Variants in BMI1 observed in about 807,000 individuals in gnomAD.
BMI1 encodes polycomb complex protein BMI-1.
Under a neutral mutation model 39.1 loss-of-function variants are expected in BMI1, and 9 were observed. That is an observed-to-expected ratio of 0.23 (90% CI 0.14 to 0.40). The LOEUF (loss-of-function observed/expected upper bound fraction) is 0.40, where lower values mean the gene tolerates loss of function less well. Ranked by LOEUF, BMI1 falls within the 10% of genes least tolerant of loss-of-function variation. The probability of loss-of-function intolerance (pLI) is 1.00; values close to 1 mark genes in which losing one functional copy is unlikely to be tolerated. For missense variants in BMI1, 252 were observed against 390.8 expected (o/e 0.64, Z 2.99); for synonymous variants, 131 against 127.9 (o/e 1.02, Z -0.16).
rs1365842351 is a variant in BMI1 at position 22,321,702 on chromosome 10, T to TA, written c.-20+7dup. 1 of 150,218 alleles carries TA rather than the reference T, an allele frequency of 6.7e-6. No individual in the cohort carries two copies. Among genetic ancestry groups the TA allele is most frequent in the African/African-American group, 2.4e-5 (1 of 40,904 alleles). 9.3% of individuals were successfully genotyped at this position (150,218 alleles called of 1,614,324 possible). On this transcript the variant is annotated splice_region_variant and intron_variant, in intron 1 of 9. Coordinates refer to ENST00000376663, the MANE Select transcript of BMI1 (RefSeq NM_005180.9). ...GCGCCGGCTGCTCTTTCCGGGTACG[T>TA]AGGAGGCGAGGCGCCCCCGGGACGG...
At chr10:22,323,742 G>C (rs1329313091) in intron 1 of BMI1, among the ~76,000 whole-genome samples, 1 of 152,212 alleles carries the variant, frequency 6.6e-6, no homozygotes, top group Non-Finnish European at 1.5e-5. Context: ...AGTTTTAACG[G>C]TTGAGTATTT....
chr10:22,327,006 C>T lies in BMI1; in HGVS notation c.209+20C>T. On this transcript the variant is annotated intron_variant, in intron 3 of 9. Transcript: ENST00000376663. ...TATAAGGTAGGAAACTGTTGAAATT[C>T]CTTGTTTGTAATTATTATTGGAGTT... 6.2e-7 allele frequency: 1 copy of T among 1,606,794 alleles called. No homozygotes were observed. Among genetic ancestry groups the T allele is most frequent in the Non-Finnish European group, 8.5e-7 (1 of 1,176,436 alleles).
At chr10:22,328,553 A>G (rs188352510) in intron 7 of BMI1, 47 bp from the exon 8 acceptor site, 2 of 1,553,824 alleles carry the variant, frequency 1.3e-6, no homozygotes, top group East Asian at 2.3e-5. Flanking sequence ...AACTTTCTTC[A>G]TATCTTAAAG....
intron 1 of BMI1, among the ~76,000 whole-genome samples, 174 bp downstream of exon 1, chr10:22,321,870 C>G (rs1359584430): frequency 7.0e-6 from 1 of 143,162 alleles, no homozygotes; most frequent in East Asian, 2.1e-4. Context: ...CGCCCCGCGC[C>G]TGCCGGCCCC....
At chr10:22,328,852 C>G (rs1350307752) in intron 8 of BMI1, among the ~76,000 whole-genome samples, 154 bp downstream of exon 8, 2 of 152,116 alleles carry the variant, frequency 1.3e-5, no homozygotes, top group Admixed American at 1.3e-4. Context: ...GGTATACATT[C>G]TCTTTTATGC....
intron 1 of BMI1, among the ~76,000 whole-genome samples, chr10:22,324,189 A>G (rs1278806513): frequency 6.6e-6 from 1 of 152,200 alleles, no homozygotes; most frequent in East Asian, 1.9e-4. Context: ...GGAGAAATAA[A>G]GGCAGCTATT....
At position 22,330,160 on chromosome 10, in the gene BMI1, C is replaced by T. The variant is rs982564848; in HGVS notation, c.*618C>T. Reference sequence around the variant, plus strand: ...CTGTATGCCTAAAAGCGGGTACTACCGTTTATTTTACTGACTTGTTTAAAT... The same window carrying T: ...CTGTATGCCTAAAAGCGGGTACTACTGTTTATTTTACTGACTTGTTTAAAT... On this transcript the variant is annotated 3_prime_UTR_variant, in exon 10 of 10. Transcript: ENST00000376663. 1 of 152,784 alleles carries T rather than the reference C, an allele frequency of 6.5e-6. No homozygotes were observed. The highest frequency in any genetic ancestry group is 1.5e-5 in the Non-Finnish European group (1 of 68,250). The allele number at this position is 152,784 out of a possible 1,614,324, so 9.5% of individuals were successfully genotyped here.
At chr10:22,326,294 T>A in intron 1 of BMI1, 137 bp from the exon 2 acceptor site, 1 of 1,213,696 alleles carries the variant, frequency 8.2e-7, no homozygotes, top group Non-Finnish European at 1.1e-6. Flanking sequence ...AGTAAATTCC[T>A]TCTGTAGAAA....
intron 2 of BMI1, 77 bp from the exon 3 acceptor site, chr10:22,326,813 T>A: frequency 6.5e-7 from 1 of 1,539,028 alleles, no homozygotes; most frequent in Non-Finnish European, 8.9e-7. Flanking sequence ...TGTTTTCTAC[T>A]AGTTCTGGGT....
intron 8 of BMI1, 143 bp from the exon 9 acceptor site, chr10:22,328,905 C>T (rs921195835): frequency 6.8e-6 from 7 of 1,032,630 alleles, no homozygotes; most frequent in Non-Finnish European, 9.6e-6. Flanking sequence ...ATAATTTTTT[C>T]TCATTTGAAG....
intron 2 of BMI1, 130 bp from the exon 3 acceptor site, chr10:22,326,760 G>A: frequency 1.5e-6 from 2 of 1,337,424 alleles, no homozygotes; most frequent in Non-Finnish European, 1.0e-6. Context: ...GTGTTCTCAG[G>A]ATATGAATTA....
intron 2 of BMI1, 68 bp downstream of exon 2, chr10:22,326,629 C>G: frequency 1.3e-6 from 2 of 1,573,126 alleles, no homozygotes; most frequent in South Asian, 2.4e-5. Flanking sequence ...AATTTGAAAA[C>G]TGTTAATGAT....
At position 22,329,915 on chromosome 10, in the gene BMI1, CTTG is replaced by C. The variant is rs1450941996; in HGVS notation, c.*376_*378del. On this transcript the variant is annotated 3_prime_UTR_variant, in exon 10 of 10. Coordinates refer to ENST00000376663, the MANE Select transcript of BMI1 (RefSeq NM_005180.9). ...CTACATTACATTCTCCTTGATCGTTCTTGTTATTACGCTGTTTTGTGAACCTGT... is the reference window on the plus strand; with the variant it reads ...CTACATTACATTCTCCTTGATCGTTCTTATTACGCTGTTTTGTGAACCTGT... The C allele has an allele frequency of 5.5e-6, 1 of 182,466 alleles. No homozygotes were observed. The highest frequency in any genetic ancestry group is 2.4e-5 in the African/African-American group (1 of 42,258). 11.3% of individuals were successfully genotyped at this position (182,466 alleles called of 1,614,324 possible).
intron 1 of BMI1, chr10:22,325,809 C>T (rs886658161): frequency 1.3e-5 from 2 of 151,996 alleles, no homozygotes; most frequent in Non-Finnish European, 2.9e-5. Flanking sequence ...CGGATCCGCC[C>T]CTCGCATCCC....
rs1443642428 is a variant in BMI1 at position 22,329,352 on chromosome 10, G to A, written c.791G>A (p.Gly264Asp). 2 of 1,614,152 alleles carry A rather than the reference G, an allele frequency of 1.2e-6. No individual in the cohort carries two copies. Among genetic ancestry groups the A allele is most frequent in the Non-Finnish European group, 1.7e-6 (2 of 1,180,018 alleles). Residue 264 changes from glycine (G) to aspartate (D), a missense_variant, in exon 10 of 10, where the codon GGT (glycine) becomes GAT (aspartate). By Grantham distance (94) the Gly-to-Asp change is moderately conservative. This residue lies in a region of BMI1 where 96 missense variants were observed against 120.2 expected (regional missense o/e 0.80). Coordinates refer to ENST00000376663, the MANE Select transcript of BMI1 (RefSeq NM_005180.9). ...GACAAGGCCAACAGCCCAGCAGGAG[G>A]TATTCCCTCCACCTCTTCTTGTTTG... ...GSDKANSPAGGIPSTSSCLPS... is the reference protein window; with the variant it reads ...GSDKANSPAGDIPSTSSCLPS...
intron 4 of BMI1, 44 bp from the exon 5 acceptor site, chr10:22,327,698 T>A (rs1382880699): frequency 1.9e-6 from 3 of 1,613,010 alleles, no homozygotes; most frequent in East Asian, 4.5e-5. Context: ...ATTCATTAGT[T>A]CTTTGTGTTA....
At chr10:22,322,719 C>T (rs553465648) in intron 1 of BMI1, among the ~76,000 whole-genome samples, 6 of 152,308 alleles carry the variant, frequency 3.9e-5, no homozygotes, top group East Asian at 3.9e-4. Context: ...AGCATCATGA[C>T]TCCAGTCCAC....
At chr10:22,323,548 C>T (rs1195448994) in intron 1 of BMI1, among the ~76,000 whole-genome samples, 1 of 152,204 alleles carries the variant, frequency 6.6e-6, no homozygotes, top group Non-Finnish European at 1.5e-5. Context: ...CCAACTTTAC[C>T]CATGCTTATG....
chr10:22,324,285 T>C (rs563094219), intron 1 of BMI1, among the ~76,000 whole-genome samples: 17 of 152,252 alleles, frequency 1.1e-4, no homozygotes, highest in Non-Finnish European at 1.8e-4. Flanking sequence ...ATCAGCTTGC[T>C]ATCTTTCTAG....
Sources: gnomAD v4.1 joint callset for allele counts (sites outside exome capture counted in the v4.1 genomes callset) on GRCh38, gnomAD v4.1.1 for gene constraint, gnomAD v4.1.1 regional missense constraint, MANE v1.5 for transcripts, NCBI Gene and HGNC (gene_info 2026-07-23, HGNC 2026-07-21) for gene names.